Variants in EYA2 observed in about 807,000 individuals in gnomAD.
EYA2 encodes the protein protein phosphatase EYA2.
EYA2 carries 31 observed loss-of-function variants against 69.2 expected under a neutral mutation model. The observed-to-expected ratio is 0.45, with a 90% CI of 0.34 to 0.60. EYA2 has a LOEUF of 0.60. Among genes scored for constraint, EYA2 ranks in the 20% least tolerant of loss-of-function variants. The pLI is 0.02. For synonymous variants in EYA2, 257 were observed against 279.4 expected, an observed-to-expected ratio of 0.92 and a Z score of 0.80; for missense variants, 622 against 701.2, an observed-to-expected ratio of 0.89 and a Z score of 1.28.
intron 5 of EYA2, among the ~76,000 whole-genome samples, chr20:47,023,953 C>T (rs768957104): frequency 1.3e-5 from 2 of 152,126 alleles, no homozygotes; most frequent in African/African-American, 2.4e-5. Context: ...TTTCTGATAA[C>T]TTCCATGTCT....
intron 1 of EYA2, among the ~76,000 whole-genome samples, chr20:46,910,198 G>A (rs1600535055): frequency 6.6e-6 from 1 of 152,276 alleles, no homozygotes. Context: ...CATCTGCTCA[G>A]CTTCTGGGGA....
intron 1 of EYA2, among the ~76,000 whole-genome samples, chr20:46,981,610 G>C (rs1454299888): frequency 6.6e-6 from 1 of 152,130 alleles, no homozygotes; most frequent in Non-Finnish European, 1.5e-5. Flanking sequence ...AATCAGTCAA[G>C]TCCCTTTCTT....
intron 7 of EYA2, among the ~76,000 whole-genome samples, chr20:47,083,315 G>A (rs1024678452): frequency 6.6e-6 from 1 of 152,162 alleles, no homozygotes; most frequent in South Asian, 2.1e-4. Flanking sequence ...AGTGGCTCAC[G>A]CCTGTAATCC....
At chr20:47,030,514 C>G (rs533282443) in intron 5 of EYA2, among the ~76,000 whole-genome samples, 2 of 142,450 alleles carry the variant, frequency 1.4e-5, no homozygotes, top group Admixed American at 1.4e-4. Flanking sequence ...TCAAGCCACA[C>G]CTTCATGGAA....
chr20:47,163,022 C>G lies in EYA2; in HGVS notation c.979-6117C>G, dbSNP rs540231311. ...TTATAAATATATACATGGCATCATA[C>G]TGGGTGTATCACTCTTTTTTTTTTT... On this transcript the variant is annotated intron_variant, in intron 10 of 15. Transcript: ENST00000327619. Among the ~76,000 whole-genome samples the G allele has an allele frequency of 4.1e-5, 6 of 144,916 alleles. No homozygotes were observed. The East Asian group carries it at 1.2e-3, about 30-fold the overall frequency.
chr20:47,132,530 C>T (rs1174527940), intron 9 of EYA2, among the ~76,000 whole-genome samples: 6 of 152,196 alleles, frequency 3.9e-5, no homozygotes, highest in African/African-American at 1.4e-4. Flanking sequence ...GGACTCACTG[C>T]TTATGTTCAG....
intron 1 of EYA2, among the ~76,000 whole-genome samples, chr20:46,969,711 T>C (rs1168211246): frequency 6.6e-6 from 1 of 152,194 alleles, no homozygotes; most frequent in Non-Finnish European, 1.5e-5. Flanking sequence ...GTTAATTCCC[T>C]TGGCTTGGTT....
intron 9 of EYA2, among the ~76,000 whole-genome samples, chr20:47,098,629 C>T (rs2032328690): frequency 6.6e-6 from 1 of 152,244 alleles, no homozygotes; most frequent in Non-Finnish European, 1.5e-5. Flanking sequence ...CCCCATGTCC[C>T]CTGGCCCATG....
chr20:46,925,462 G>GA (rs1244002030), intron 1 of EYA2, among the ~76,000 whole-genome samples: 1 of 152,190 alleles, frequency 6.6e-6, no homozygotes, highest in Non-Finnish European at 1.5e-5. Context: ...TCCGGCATAG[G>GA]AAAGAGAGTT....
At chr20:47,139,085 C>A (rs1860914143) in intron 9 of EYA2, among the ~76,000 whole-genome samples, 1 of 152,128 alleles carries the variant, frequency 6.6e-6, no homozygotes, top group Admixed American at 6.6e-5. Flanking sequence ...TATGAATAGA[C>A]CACATTTCAT....
intron 1 of EYA2, among the ~76,000 whole-genome samples, chr20:46,910,275 C>A (rs78642563): frequency 6.6e-6 from 1 of 151,962 alleles, no homozygotes; most frequent in Non-Finnish European, 1.5e-5. Context: ...CATGGTGGAG[C>A]AAGAGGAAGA....
intron 5 of EYA2, among the ~76,000 whole-genome samples, chr20:47,053,601 A>AG (rs1180329276): frequency 6.6e-6 from 1 of 150,592 alleles, no homozygotes; most frequent in Non-Finnish European, 1.5e-5. Context: ...CAGGAAGTCA[A>AG]GACTGCAGTG....
At chr20:47,144,771 T>C (rs1029622412) in intron 10 of EYA2, among the ~76,000 whole-genome samples, 6 of 152,174 alleles carry the variant, frequency 3.9e-5, no homozygotes, top group Non-Finnish European at 8.8e-5. Context: ...TTTGGAGCAA[T>C]GGAGAATAAA....
intron 1 of EYA2, among the ~76,000 whole-genome samples, chr20:46,957,586 A>G (rs1211288): frequency 0.14 from 20,241 of 149,570 alleles, 3,252 homozygotes; most frequent in African/African-American, 0.39. Flanking sequence ...CACGAAGACA[A>G]TGTGAAGACA....
intron 9 of EYA2, among the ~76,000 whole-genome samples, chr20:47,123,812 G>A (rs534145384): frequency 4.0e-5 from 6 of 151,852 alleles, no homozygotes; most frequent in Non-Finnish European, 8.8e-5. Context: ...CCAACATGGT[G>A]AAACCCCCGT....
chr20:47,172,892 C>T (rs2034353715), intron 12 of EYA2, 25 bp downstream of exon 12: 1 of 1,586,656 alleles, frequency 6.3e-7, no homozygotes, highest in South Asian at 1.1e-5. Flanking sequence ...CCTTGGGCCT[C>T]CGAGGAAGGG....
intron 1 of EYA2, among the ~76,000 whole-genome samples, chr20:46,967,245 G>A (rs1014220869): frequency 1.3e-5 from 2 of 152,212 alleles, no homozygotes; most frequent in Non-Finnish European, 2.9e-5. Context: ...CAAGTGATCC[G>A]CCCACCTCGG....
intron 5 of EYA2, among the ~76,000 whole-genome samples, chr20:47,036,005 T>C (rs935730380): frequency 2.0e-5 from 3 of 152,134 alleles, no homozygotes; most frequent in African/African-American, 7.2e-5. Flanking sequence ...AGTAAGACCC[T>C]ATTTCAAAAG....
At chr20:47,023,644 T>TTGG (rs1568730350) in intron 5 of EYA2, among the ~76,000 whole-genome samples, 1 of 141,488 alleles carries the variant, frequency 7.1e-6, no homozygotes, top group South Asian at 2.3e-4. Context: ...TTTTTTTTTT[T>TTGG]TTTTTTTTTT....
Sources: gnomAD v4.1 joint callset for allele counts (sites outside exome capture counted in the v4.1 genomes callset) on GRCh38, gnomAD v4.1.1 for gene constraint, MANE v1.5 for transcripts, NCBI Gene and HGNC (gene_info 2026-07-23, HGNC 2026-07-21) for gene names.